DLGAP1: variants seen among roughly 807,000 people sequenced by gnomAD.
DLGAP1 encodes DLG associated protein 1, also known as disks large-associated protein 1.
DLGAP1 carries 11 observed loss-of-function variants against 90.8 expected under a neutral mutation model. The ratio of observed to expected loss-of-function variants is 0.12; its 90% CI spans 0.08 to 0.20. DLGAP1 has a LOEUF of 0.20. Ranked by LOEUF, DLGAP1 falls within the 10% of genes least tolerant of loss-of-function variation. The pLI is 1.00. For missense variants in DLGAP1, 1,050 were observed against 1,333.8 expected (o/e 0.79, Z 3.31); for synonymous variants, 558 against 540.7 (o/e 1.03, Z -0.44).
intron 5 of DLGAP1, among the ~76,000 whole-genome samples, chr18:3,755,701 T>C (rs1490563752): frequency 6.6e-6 from 1 of 152,184 alleles, no homozygotes; most frequent in Non-Finnish European, 1.5e-5. Flanking sequence ...AAGGTATAAA[T>C]GAATAATTCA....
intron 3 of DLGAP1, among the ~76,000 whole-genome samples, chr18:3,925,657 C>G (rs2072366282): frequency 6.6e-6 from 1 of 152,128 alleles, no homozygotes; most frequent in Non-Finnish European, 1.5e-5. Flanking sequence ...CTTCCGGGCA[C>G]ACAGATCTCA....
chr18:3,812,018 C>G (rs1000639230), intron 5 of DLGAP1, among the ~76,000 whole-genome samples: 1 of 152,178 alleles, frequency 6.6e-6, no homozygotes, highest in African/African-American at 2.4e-5. Flanking sequence ...AAGTGTCACT[C>G]AGTGAATGTG....
chr18:4,095,724 G>C (rs867092823), intron 2 of DLGAP1, among the ~76,000 whole-genome samples: 1 of 151,756 alleles, frequency 6.6e-6, no homozygotes, highest in Non-Finnish European at 1.5e-5. Flanking sequence ...AACTGGAAAC[G>C]ACATAATATA....
chr18:3,839,840 T>G (rs1470065086), intron 4 of DLGAP1, among the ~76,000 whole-genome samples: 2 of 152,156 alleles, frequency 1.3e-5, no homozygotes, highest in Non-Finnish European at 2.9e-5. Context: ...CCCAGGGAAA[T>G]TCCTCAAACC....
chr18:3,852,507 T>C (rs142110875), intron 4 of DLGAP1, among the ~76,000 whole-genome samples: 2 of 152,308 alleles, frequency 1.3e-5, no homozygotes, highest in Non-Finnish European at 2.9e-5. Context: ...TGTTTCCTCA[T>C]GTTTTCTAGG....
intron 7 of DLGAP1, among the ~76,000 whole-genome samples, chr18:3,661,474 C>T (rs889174833): frequency 6.6e-6 from 1 of 152,156 alleles, no homozygotes. Flanking sequence ...GGTTACAAGT[C>T]CTGAGACGGT....
intron 1 of DLGAP1, among the ~76,000 whole-genome samples, chr18:4,258,518 T>C (rs1055806661): frequency 1.3e-5 from 2 of 151,976 alleles, no homozygotes; most frequent in African/African-American, 4.8e-5. Flanking sequence ...TACGTGCTTA[T>C]GTGAAAAATA....
intron 7 of DLGAP1, chr18:3,598,357 A>T (rs2056706854): frequency 1.3e-5 from 2 of 152,200 alleles, no homozygotes; most frequent in African/African-American, 2.4e-5. Flanking sequence ...CATCTCAAAA[A>T]AAAAAATTCT....
intron 5 of DLGAP1, among the ~76,000 whole-genome samples, chr18:3,784,246 G>A (rs968764255): frequency 2.0e-5 from 3 of 152,140 alleles, no homozygotes; most frequent in African/African-American, 4.8e-5. Context: ...AGGCTCCCCC[G>A]AGTTGGCCTG....
chr18:3,673,537 G>A (rs1802119058), intron 7 of DLGAP1, among the ~76,000 whole-genome samples: 1 of 152,182 alleles, frequency 6.6e-6, no homozygotes, highest in African/African-American at 2.4e-5. Context: ...TGCTGTGAAT[G>A]AGAGGAGGAT....
At chr18:4,373,742 G>A (rs974314977) in intron 1 of DLGAP1, among the ~76,000 whole-genome samples, 1 of 151,542 alleles carries the variant, frequency 6.6e-6, no homozygotes, top group Admixed American at 6.6e-5. Context: ...TCTTTAATTC[G>A]TCTCTCATTC....
At chr18:3,655,796 G>A (rs2059461264) in intron 7 of DLGAP1, 3 of 366,834 alleles carry the variant, frequency 8.2e-6, no homozygotes, top group Non-Finnish European at 1.5e-5. Flanking sequence ...TAAGGCCACA[G>A]AAGAGCCCAG....
At chr18:4,057,441 A>C (rs7240785) in intron 2 of DLGAP1, among the ~76,000 whole-genome samples, 120,072 of 152,124 alleles carry the variant, frequency 0.79, 47,566 homozygotes, top group East Asian at 0.89. Flanking sequence ...CAAGTGCTGG[A>C]AGGCCACTGC....
At position 3,496,408 on chromosome 18, in the gene DLGAP1, C is replaced by T. The variant is rs1598933690; in HGVS notation, c.*2777G>A. On this transcript the variant is annotated 3_prime_UTR_variant, in exon 13 of 13. Coordinates refer to ENST00000315677, the MANE Select transcript of DLGAP1 (RefSeq NM_004746.4). ...ATCTATAAATAACAGAAATATATTA[C>T]AATAAATTAGTTCTATTTACCATTT... 3 of 152,222 alleles carry T rather than the reference C, an allele frequency of 2.0e-5. No individual in the cohort carries two copies. In the East Asian group the frequency reaches 5.8e-4, roughly 29 times the overall value. 9.4% of individuals were successfully genotyped at this position (152,222 alleles called of 1,614,324 possible).
rs375693042 is a variant in DLGAP1 at position 3,727,596 on chromosome 18, G to C, written c.1591+1539C>G. ...TGGGAACGGGTTGTGTGTTGGGTGG[G>C]GGTGGTGAAAATGGGACACACCAAA... On this transcript the variant is annotated intron_variant, in intron 7 of 12. Transcript: ENST00000315677. This position sits in a 1 kb window ranked among gnomAD's most constrained non-coding sequence, Gnocchi z 4.7. 6.6e-6 allele frequency: 1 copy of C among 152,176 alleles called. No individual in the cohort carries two copies. Among genetic ancestry groups the C allele is most frequent in the African/African-American group, 2.4e-5 (1 of 41,418 alleles). The allele number at this position is 152,176 out of a possible 1,614,324, so 9.4% of individuals were successfully genotyped here.
At chr18:3,908,289 AG>A (rs1393659847) in intron 3 of DLGAP1, among the ~76,000 whole-genome samples, 1 of 152,204 alleles carries the variant, frequency 6.6e-6, no homozygotes, top group Non-Finnish European at 1.5e-5. Flanking sequence ...CATATTTAAG[AG>A]GTATAAATAA....
intron 5 of DLGAP1, among the ~76,000 whole-genome samples, chr18:3,767,925 CA>C: frequency 6.6e-6 from 1 of 152,080 alleles, no homozygotes; most frequent in South Asian, 2.1e-4. Context: ...GCTAGTATGG[CA>C]AGGAAATAAA....
intron 2 of DLGAP1, among the ~76,000 whole-genome samples, chr18:4,011,225 T>C (rs1599322345): frequency 6.7e-6 from 1 of 149,916 alleles, no homozygotes; most frequent in East Asian, 2.0e-4. Context: ...AGACGCTCTC[T>C]GTCTAGTTGT....
intron 7 of DLGAP1, among the ~76,000 whole-genome samples, chr18:3,647,048 AGACCAGCCT>A (rs1361393701): frequency 6.6e-6 from 1 of 152,168 alleles, no homozygotes; most frequent in Non-Finnish European, 1.5e-5. Flanking sequence ...CAGGAGTTCC[AGACCAGCCT>A]GACCAACACG....
Sources: allele counts gnomAD v4.1 joint callset (sites outside exome capture counted in the v4.1 genomes callset), GRCh38; gene constraint gnomAD v4.1.1; non-coding constraint Gnocchi (gnomAD v3.1); transcripts MANE v1.5; gene names NCBI Gene and HGNC (gene_info 2026-07-23, HGNC 2026-07-21).